CDH11: variants seen among roughly 807,000 people sequenced by gnomAD.
CDH11 encodes cadherin 11, also known as cadherin-11.
CDH11 carries 11 observed loss-of-function variants against 67.8 expected under a neutral mutation model. That is an observed-to-expected ratio of 0.16 (90% CI 0.10 to 0.27). The LOEUF (loss-of-function observed/expected upper bound fraction) is 0.27, where lower values mean the gene tolerates loss of function less well. Ranked by LOEUF, CDH11 falls within the 10% of genes least tolerant of loss-of-function variation. The probability of loss-of-function intolerance (pLI) is 1.00; values close to 1 mark genes in which losing one functional copy is unlikely to be tolerated. For synonymous variants in CDH11, 419 were observed against 400.0 expected, an observed-to-expected ratio of 1.05 and a Z score of -0.57; for missense variants, 847 against 1,031.2, an observed-to-expected ratio of 0.82 and a Z score of 2.45.
chr16:65,097,738 G>A (rs371052350), intron 1 of CDH11, among the ~76,000 whole-genome samples: 7 of 152,064 alleles, frequency 4.6e-5, no homozygotes, highest in African/African-American at 1.4e-4. Flanking sequence ...CTATAACAAA[G>A]AACAGAAAAG....
intron 11 of CDH11, among the ~76,000 whole-genome samples, chr16:64,954,525 A>C (rs763374254): frequency 6.6e-6 from 1 of 152,192 alleles, no homozygotes; most frequent in African/African-American, 2.4e-5. Context: ...TGCTTCCAGA[A>C]GGCTCAGGGG....
At chr16:64,983,441 G>T (rs1001144949) in intron 7 of CDH11, among the ~76,000 whole-genome samples, 4 of 152,162 alleles carry the variant, frequency 2.6e-5, no homozygotes, top group African/African-American at 9.7e-5. Flanking sequence ...TTTGGAAAGA[G>T]TTTCATCTTT....
At chr16:64,954,755 G>A (rs1388684434) in intron 11 of CDH11, among the ~76,000 whole-genome samples, 1 of 152,066 alleles carries the variant, frequency 6.6e-6, no homozygotes, top group Admixed American at 6.5e-5. Context: ...TTTCTGAGTG[G>A]CATTTCAGTA....
At chr16:65,080,482 C>A (rs2074592056) in intron 1 of CDH11, among the ~76,000 whole-genome samples, 1 of 152,102 alleles carries the variant, frequency 6.6e-6, no homozygotes, top group South Asian at 2.1e-4. Flanking sequence ...TCATTATAAT[C>A]CCCCATCCCA....
chr16:64,996,005 A>C (rs901795472), intron 4 of CDH11, among the ~76,000 whole-genome samples: 9 of 152,328 alleles, frequency 5.9e-5, no homozygotes, highest in African/African-American at 2.2e-4. Flanking sequence ...TCGTCATTAA[A>C]CATCAGAGAA....
intron 2 of CDH11, among the ~76,000 whole-genome samples, chr16:65,012,228 A>G (rs2073198504): frequency 6.6e-6 from 1 of 152,226 alleles, no homozygotes; most frequent in African/African-American, 2.4e-5. Context: ...AACCTCTTGT[A>G]AATAAACTTC....
At chr16:65,017,971 T>A (rs894776725) in intron 2 of CDH11, among the ~76,000 whole-genome samples, 8 of 152,336 alleles carry the variant, frequency 5.3e-5, no homozygotes, top group African/African-American at 1.9e-4. Flanking sequence ...TTAGCCTTAC[T>A]ATACTTGGCC....
intron 11 of CDH11, among the ~76,000 whole-genome samples, chr16:64,961,251 G>C (rs1177796708): frequency 1.3e-5 from 2 of 152,136 alleles, no homozygotes; most frequent in African/African-American, 4.8e-5. Context: ...AGGCTTCATG[G>C]TTTACAAAAG....
chr16:65,111,523 C>T (rs1193201728), intron 1 of CDH11, among the ~76,000 whole-genome samples: 1 of 152,024 alleles, frequency 6.6e-6, no homozygotes, highest in Non-Finnish European at 1.5e-5. Flanking sequence ...AACTGTGGAG[C>T]GTAAGTCCTC....
At chr16:65,034,868 G>A (rs142443828) in intron 2 of CDH11, among the ~76,000 whole-genome samples, 1 of 152,250 alleles carries the variant, frequency 6.6e-6, no homozygotes, top group Non-Finnish European at 1.5e-5. Context: ...TGAGGGACAT[G>A]GCCAGGAATT....
At chr16:64,995,650 A>G (rs2072744957) in intron 4 of CDH11, among the ~76,000 whole-genome samples, 1 of 152,294 alleles carries the variant, frequency 6.6e-6, no homozygotes, top group East Asian at 1.9e-4. Context: ...CTAGAGAAAA[A>G]AACCCAGGAA....
Position 65,054,468 on chromosome 16 carries a change from C to A in CDH11, c.-297-540G>T, listed in dbSNP as rs775331824. Reference sequence around the variant, plus strand: ...CCAGAGCATTGGGCTGACAGTGTTGCAGCTCTTCAAGATTGCATTTCCCCT... The same window carrying A: ...CCAGAGCATTGGGCTGACAGTGTTGAAGCTCTTCAAGATTGCATTTCCCCT... On this transcript the variant is annotated intron_variant, in intron 1 of 12. Coordinates refer to ENST00000268603, the MANE Select transcript of CDH11 (RefSeq NM_001797.4). Among the ~76,000 whole-genome samples, 56 of 152,136 alleles carry A rather than the reference C, an allele frequency of 3.7e-4. 2 individuals are homozygous for A. Among genetic ancestry groups the A allele is most frequent in the Non-Finnish European group, 3.2e-4 (22 of 68,032 alleles).
upstream of CDH11, chr16:65,122,148 G>GC: frequency 6.2e-6 from 2 of 323,844 alleles, no homozygotes; most frequent in Non-Finnish European, 1.2e-5. Context: ...GGGGGGGCGG[G>GC]AGGAGGGAGG....
At chr16:65,008,443 T>TA (rs933487222) in intron 2 of CDH11, among the ~76,000 whole-genome samples, 1 of 152,062 alleles carries the variant, frequency 6.6e-6, no homozygotes, top group Admixed American at 6.5e-5. Flanking sequence ...AGACATAATT[T>TA]AAAAAAAAGA....
intron 1 of CDH11, among the ~76,000 whole-genome samples, chr16:65,073,018 G>C (rs1370451950): frequency 1.3e-5 from 2 of 152,152 alleles, no homozygotes; most frequent in African/African-American, 4.8e-5. Context: ...GATCTATGTT[G>C]GCCATTTGAA....
chr16:65,078,942 A>T (rs1315745063), intron 1 of CDH11, among the ~76,000 whole-genome samples: 1 of 152,210 alleles, frequency 6.6e-6, no homozygotes, highest in Non-Finnish European at 1.5e-5. Flanking sequence ...TTTAAAAATA[A>T]ACACCAATTT....
intron 4 of CDH11, among the ~76,000 whole-genome samples, chr16:64,993,863 C>T (rs1480243383): frequency 2.6e-5 from 4 of 152,132 alleles, no homozygotes; most frequent in Non-Finnish European, 1.5e-5. Flanking sequence ...TTCTCTGTGC[C>T]AGCATGATCT....
At chr16:65,064,369 A>G (rs544161877) in intron 1 of CDH11, among the ~76,000 whole-genome samples, 1 of 152,366 alleles carries the variant, frequency 6.6e-6, no homozygotes, top group African/African-American at 2.4e-5. Context: ...CAGAGGTGAT[A>G]ATATGTGCAC....
intron 2 of CDH11, among the ~76,000 whole-genome samples, chr16:65,026,436 C>A (rs995213787): frequency 6.6e-6 from 1 of 152,158 alleles, no homozygotes; most frequent in Non-Finnish European, 1.5e-5. Context: ...GACATTGAAC[C>A]AAGATCTACT....
Sources: gnomAD v4.1 joint callset for allele counts (sites outside exome capture counted in the v4.1 genomes callset) on GRCh38, gnomAD v4.1.1 for gene constraint, MANE v1.5 for transcripts, NCBI Gene and HGNC (gene_info 2026-07-23, HGNC 2026-07-21) for gene names.